PLD1: variants seen among roughly 807,000 people sequenced by gnomAD.
The protein encoded by PLD1 is choline phosphatase 1.
In PLD1, 112 loss-of-function variants were observed where a neutral mutation model predicts 137.1. The observed-to-expected ratio is 0.82, with a 90% CI of 0.70 to 0.96. PLD1 has a LOEUF of 0.96. Among genes scored for constraint, PLD1 ranks in the 40% least tolerant of loss-of-function variants. PLD1 has a pLI of 0.00. For synonymous variants in PLD1, 431 were observed against 454.7 expected, an observed-to-expected ratio of 0.95 and a Z score of 0.66; for missense variants, 1,321 against 1,342.0, an observed-to-expected ratio of 0.98 and a Z score of 0.24.
intron 1 of PLD1, among the ~76,000 whole-genome samples, chr3:171,802,947 C>T (rs1377863277): frequency 6.6e-6 from 1 of 152,218 alleles, no homozygotes; most frequent in Non-Finnish European, 1.5e-5. Flanking sequence ...GCCCAGAAGG[C>T]ACATGGGGTG....
intron 20 of PLD1, among the ~76,000 whole-genome samples, chr3:171,660,517 T>C (rs774836121): frequency 6.6e-6 from 1 of 152,266 alleles, no homozygotes; most frequent in Non-Finnish European, 1.5e-5. Context: ...ACCAGGTCTA[T>C]GTCCCAACTA....
At chr3:171,722,287 T>G (rs188738319) in intron 8 of PLD1, among the ~76,000 whole-genome samples, 34 of 152,332 alleles carry the variant, frequency 2.2e-4, no homozygotes, top group African/African-American at 6.7e-4. Flanking sequence ...GATAAACATT[T>G]TTCAGAAATA....
chr3:171,697,040 A>G (rs931874034), intron 12 of PLD1, among the ~76,000 whole-genome samples: 4 of 152,150 alleles, frequency 2.6e-5, no homozygotes, highest in Admixed American at 1.3e-4. Context: ...AGGGCAGTAA[A>G]CAAGCGCATG....
intron 23 of PLD1, among the ~76,000 whole-genome samples, chr3:171,634,676 A>G (rs1734951521): frequency 6.6e-6 from 1 of 152,188 alleles, no homozygotes; most frequent in Non-Finnish European, 1.5e-5. Context: ...CTATTTTGAA[A>G]TTATATACAT....
intron 1 of PLD1, chr3:171,794,035 T>G (rs1723327027): frequency 6.6e-6 from 1 of 151,698 alleles, no homozygotes; most frequent in East Asian, 1.9e-4. Flanking sequence ...TCCCAGCTAC[T>G]CGGGAGGCTG....
chr3:171,757,482 T>C lies in PLD1; in HGVS notation c.-31-19400A>G, dbSNP rs567381042. On this transcript the variant is annotated intron_variant, in intron 1 of 26. Coordinates refer to ENST00000351298, the MANE Select transcript of PLD1 (RefSeq NM_002662.5). ...CTCAAAGGCACACACACACTCATGC[T>C]GGGCAATTGTTGGAAAAGACACGGG... Among the ~76,000 whole-genome samples the C allele has an allele frequency of 2.0e-4, 30 of 152,312 alleles. No homozygotes were observed. In the East Asian group the frequency reaches 5.6e-3, roughly 28 times the overall value.
intron 19 of PLD1, among the ~76,000 whole-genome samples, chr3:171,662,514 G>A (rs1241053848): frequency 6.6e-6 from 1 of 152,218 alleles, no homozygotes; most frequent in African/African-American, 2.4e-5. Flanking sequence ...TCTGATGGCT[G>A]TGAGTATGGT....
At chr3:171,715,191 C>T (rs1717579001) in intron 8 of PLD1, among the ~76,000 whole-genome samples, 1 of 152,208 alleles carries the variant, frequency 6.6e-6, no homozygotes, top group Admixed American at 6.5e-5. Context: ...CCCGTTTTCC[C>T]AGCACTGTTT....
intron 25 of PLD1, among the ~76,000 whole-genome samples, chr3:171,610,913 C>T (rs1732596696): frequency 6.6e-6 from 1 of 152,190 alleles, no homozygotes. Context: ...TAGACAGAGA[C>T]AGCAGAATGT....
intron 19 of PLD1, among the ~76,000 whole-genome samples, chr3:171,666,589 A>T (rs1712174812): frequency 1.3e-5 from 2 of 152,130 alleles, no homozygotes. Context: ...TTCCATTGCC[A>T]CTGAGATTTC....
intron 23 of PLD1, among the ~76,000 whole-genome samples, chr3:171,634,336 T>C (rs1181151892): frequency 6.6e-6 from 1 of 152,192 alleles, no homozygotes; most frequent in Non-Finnish European, 1.5e-5. Flanking sequence ...AGAAACTCAA[T>C]AATAAGCTGT....
At chr3:171,727,883 C>T (rs557927974) in intron 6 of PLD1, among the ~76,000 whole-genome samples, 3 of 152,288 alleles carry the variant, frequency 2.0e-5, no homozygotes, top group East Asian at 1.9e-4. Context: ...CATTTAAATG[C>T]TTGCATTTTT....
intron 16 of PLD1, among the ~76,000 whole-genome samples, chr3:171,683,523 C>T (rs1036705509): frequency 9.7e-5 from 12 of 124,068 alleles, no homozygotes; most frequent in Non-Finnish European, 1.9e-4. Context: ...TTCCTTCTGT[C>T]GGAAACACCC....
chr3:171,759,517 A>G (rs1721252645), intron 1 of PLD1, among the ~76,000 whole-genome samples: 1 of 152,168 alleles, frequency 6.6e-6, no homozygotes, highest in Non-Finnish European at 1.5e-5. Context: ...TAGTAACTTG[A>G]TGGTTAGCGG....
chr3:171,772,910 A>T (rs991981693), intron 1 of PLD1, among the ~76,000 whole-genome samples: 1 of 152,248 alleles, frequency 6.6e-6, no homozygotes, highest in African/African-American at 2.4e-5. Flanking sequence ...GATGATTTGC[A>T]TGCCCAAGGA....
chr3:171,609,203 A>ATGGTATAATAATAG (rs1732444026), intron 25 of PLD1, among the ~76,000 whole-genome samples: 1 of 152,066 alleles, frequency 6.6e-6, no homozygotes, highest in Admixed American at 6.6e-5. Context: ...TTTCACACCA[A>ATGGTATAATAATAG]TCAGAATGAC....
chr3:171,718,449 A>ACT (rs1164042902), intron 8 of PLD1, among the ~76,000 whole-genome samples: 3 of 152,342 alleles, frequency 2.0e-5, no homozygotes, highest in African/African-American at 7.2e-5. Context: ...AGGAGGAAGA[A>ACT]CTACTACCCG....
At position 171,794,638 on chromosome 3, in the gene PLD1, T is replaced by A. The variant is rs796312588; in HGVS notation, c.-32+15761A>T. The stretch of plus-strand genomic sequence containing the variant: ...ATAAAATGCCTGGTGCTTGTAGTAG[T>A]TACATCGTGAATAAAACAAAAAACT... On this transcript the variant is annotated intron_variant, in intron 1 of 26. Coordinates refer to ENST00000351298, the MANE Select transcript of PLD1 (RefSeq NM_002662.5). Among the ~76,000 whole-genome samples the A allele has an allele frequency of 4.1e-4, 63 of 152,178 alleles. 1 individual carries two copies. Among genetic ancestry groups the A allele is most frequent in the African/African-American group, 1.3e-3 (55 of 41,506 alleles).
intron 18 of PLD1, 47 bp downstream of exon 18, chr3:171,676,668 C>A (rs765328185): frequency 1.4e-6 from 2 of 1,427,374 alleles, no homozygotes; most frequent in Admixed American, 1.7e-5. Flanking sequence ...TCTAGTTAGG[C>A]CTGCCTCTCT....
Sources: gnomAD v4.1 joint callset for allele counts (sites outside exome capture counted in the v4.1 genomes callset) on GRCh38, gnomAD v4.1.1 for gene constraint, MANE v1.5 for transcripts, NCBI Gene and HGNC (gene_info 2026-07-23, HGNC 2026-07-21) for gene names.